The following AHCYL2 variants were observed in gnomAD, a reference collection of about 807,000 sequenced individuals.
AHCYL2 encodes the protein S-adenosylhomocysteine hydrolase-like protein 2.
Under a neutral mutation model 81.4 loss-of-function variants are expected in AHCYL2, and 28 were observed. The ratio of observed to expected loss-of-function variants is 0.34; its 90% confidence interval spans 0.25 to 0.47. The LOEUF (loss-of-function observed/expected upper bound fraction) is 0.47. Among genes scored for constraint, AHCYL2 ranks in the 20% least tolerant of loss-of-function variants. The pLI, the probability that AHCYL2 is intolerant of heterozygous loss-of-function variation, is 1.00. For synonymous variants in AHCYL2, 272 were observed against 290.2 expected (o/e 0.94, Z 0.64); for missense variants, 551 against 785.1 (o/e 0.70, Z 3.56).
intron 1 of AHCYL2, among the ~76,000 whole-genome samples, chr7:129,339,111 T>G (rs1793064307): frequency 6.6e-6 from 1 of 152,250 alleles, no homozygotes; most frequent in Non-Finnish European, 1.5e-5. Flanking sequence ...ATTTCAGTGA[T>G]GTTGCCACAT....
intron 1 of AHCYL2, among the ~76,000 whole-genome samples, chr7:129,293,299 G>A (rs1320170243): frequency 6.6e-6 from 1 of 152,088 alleles, no homozygotes; most frequent in African/African-American, 2.4e-5. Context: ...AGACTAAGAG[G>A]TTAAAAGTAC....
chr7:129,324,764 C>T (rs1001000216), intron 1 of AHCYL2, among the ~76,000 whole-genome samples: 10 of 152,204 alleles, frequency 6.6e-5, no homozygotes, highest in Non-Finnish European at 7.3e-5. Context: ...ATCCACCTGC[C>T]TCAGCCTCCC....
intron 1 of AHCYL2, among the ~76,000 whole-genome samples, chr7:129,229,859 G>T (rs1449853837): frequency 1.3e-5 from 2 of 152,158 alleles, no homozygotes; most frequent in African/African-American, 2.4e-5. Context: ...GATAATCTGA[G>T]AAATTTATCC....
chr7:129,391,301 CTA>C (rs1795459817), intron 4 of AHCYL2, among the ~76,000 whole-genome samples: 2 of 152,132 alleles, frequency 1.3e-5, no homozygotes. Flanking sequence ...CCTGGAAAAA[CTA>C]TTGTTTTGTA....
chr7:129,251,557 T>G (rs1795252449), intron 1 of AHCYL2, among the ~76,000 whole-genome samples: 1 of 152,238 alleles, frequency 6.6e-6, no homozygotes, highest in East Asian at 1.9e-4. Context: ...ATGTGTGCAT[T>G]TAAAAAATTT....
At chr7:129,278,904 C>A (rs1431924981) in intron 1 of AHCYL2, among the ~76,000 whole-genome samples, 2 of 150,570 alleles carry the variant, frequency 1.3e-5, no homozygotes, top group South Asian at 2.1e-4. Flanking sequence ...TTTGGACTTT[C>A]TTCTGTTCCA....
At chr7:129,417,986 G>C (rs140394155) in intron 12 of AHCYL2, among the ~76,000 whole-genome samples, 2 of 152,296 alleles carry the variant, frequency 1.3e-5, no homozygotes, top group East Asian at 3.9e-4. Flanking sequence ...TCTTTGAGGA[G>C]ATAACACTTT....
At chr7:129,261,494 A>G (rs1458646617) in intron 1 of AHCYL2, among the ~76,000 whole-genome samples, 1 of 152,162 alleles carries the variant, frequency 6.6e-6, no homozygotes, top group African/African-American at 2.4e-5. Flanking sequence ...AGCAATATGT[A>G]TTGGACCTAC....
chr7:129,277,519 A>G (rs967032922), intron 1 of AHCYL2, among the ~76,000 whole-genome samples: 7 of 152,020 alleles, frequency 4.6e-5, no homozygotes, highest in African/African-American at 7.2e-5. Context: ...GGCTCAGGCA[A>G]TCCACCTGCC....
In AHCYL2 at chr7:129,406,171, C is replaced by T. The variant is rs573491566; in HGVS notation, c.1207-207C>T. Reference sequence around the variant, plus strand: ...ATTATGAATCGTGAGTGTGGGTGTTCTTGTGCACATGAATGCGATAAGCAG... The same window carrying T: ...ATTATGAATCGTGAGTGTGGGTGTTTTTGTGCACATGAATGCGATAAGCAG... On this transcript the variant is annotated intron_variant, in intron 9 of 16. Transcript: ENST00000325006. The surrounding 1 kb of genome is among the most constrained non-coding windows in gnomAD (Gnocchi z 4.3). 6.6e-6 allele frequency among the ~76,000 whole-genome samples: 1 copy of T among 151,852 alleles called. No individual in the cohort carries two copies. Among genetic ancestry groups the T allele is most frequent in the Non-Finnish European group, 1.5e-5 (1 of 68,034 alleles).
rs61542827 is a variant in AHCYL2, at chr7:129,308,165, C to A, written c.364-71473C>A. Among the ~76,000 whole-genome samples the A allele has an allele frequency of 4.6e-5, 7 of 152,204 alleles. No individual in the cohort carries two copies. In the South Asian group the frequency reaches 1.5e-3, roughly 32 times the overall value. On this transcript the variant is annotated intron_variant, in intron 1 of 16. Transcript: ENST00000325006. Reference sequence around the variant, plus strand: ...AAGCCCAGCACAGCACTAGGACTTGCCCAGGAGTTGTAGTCCTAGTGGCCT... The same window carrying A: ...AAGCCCAGCACAGCACTAGGACTTGACCAGGAGTTGTAGTCCTAGTGGCCT...
chr7:129,354,469 G>A (rs1005564954), intron 1 of AHCYL2, among the ~76,000 whole-genome samples: 5 of 152,184 alleles, frequency 3.3e-5, no homozygotes, highest in African/African-American at 1.2e-4. Context: ...AAAGGGCTGA[G>A]TAAGGAAATG....
intron 1 of AHCYL2, among the ~76,000 whole-genome samples, chr7:129,372,252 A>G (rs1794446444): frequency 6.6e-6 from 1 of 152,202 alleles, no homozygotes; most frequent in Non-Finnish European, 1.5e-5. Flanking sequence ...GGCAAAGTAG[A>G]TATGATTATC....
chr7:129,287,213 C>G (rs1352721536), intron 1 of AHCYL2, among the ~76,000 whole-genome samples: 1 of 152,128 alleles, frequency 6.6e-6, no homozygotes, highest in African/African-American at 2.4e-5. Flanking sequence ...GTAAAAAGAA[C>G]AAATATAATC....
At chr7:129,309,973 T>G (rs1797594227) in intron 1 of AHCYL2, among the ~76,000 whole-genome samples, 1 of 152,178 alleles carries the variant, frequency 6.6e-6, no homozygotes, top group South Asian at 2.1e-4. Flanking sequence ...TTCAACTTCC[T>G]TCTGACTTTC....
intron 1 of AHCYL2, among the ~76,000 whole-genome samples, chr7:129,347,106 C>T (rs899725538): frequency 1.3e-5 from 2 of 152,026 alleles, no homozygotes; most frequent in African/African-American, 2.4e-5. Context: ...GACAGTGAAA[C>T]GATCAGTGGT....
intron 1 of AHCYL2, among the ~76,000 whole-genome samples, chr7:129,273,844 A>G (rs777387913): frequency 3.3e-5 from 5 of 152,182 alleles, no homozygotes; most frequent in Non-Finnish European, 7.4e-5. Context: ...AATAAGATTC[A>G]TAGGAAATCC....
At chr7:129,294,820 G>A (rs1000795068) in intron 1 of AHCYL2, among the ~76,000 whole-genome samples, 3 of 152,164 alleles carry the variant, frequency 2.0e-5, no homozygotes, top group African/African-American at 7.2e-5. Flanking sequence ...CTATTAACGT[G>A]TACCCTGGAT....
At chr7:129,234,196 G>T (rs1007292891) in intron 1 of AHCYL2, among the ~76,000 whole-genome samples, 1 of 152,024 alleles carries the variant, frequency 6.6e-6, no homozygotes, top group South Asian at 2.1e-4. Context: ...GACTATAGGT[G>T]CATGCCACCA....
Sources: allele counts gnomAD v4.1 joint callset (sites outside exome capture counted in the v4.1 genomes callset), GRCh38; gene constraint gnomAD v4.1.1; non-coding constraint Gnocchi (gnomAD v3.1); transcripts MANE v1.5; gene names NCBI Gene and HGNC (gene_info 2026-07-23, HGNC 2026-07-21).